CLDN10: variants seen among roughly 807,000 people sequenced by gnomAD.
CLDN10 encodes claudin 10.
A neutral mutation model predicts 22.9 loss-of-function variants in CLDN10; 15 were observed. The ratio of observed to expected loss-of-function variants is 0.65; its 90% CI spans 0.44 to 1.01. The LOEUF is 1.01. Ranked by LOEUF, CLDN10 falls within the 50% of genes least tolerant of loss-of-function variation. CLDN10 has a pLI of 0.00. For missense variants in CLDN10, 247 were observed against 287.8 expected (o/e 0.86, Z 1.03); for synonymous variants, 114 against 111.4 (o/e 1.02, Z -0.15).
chr13:95,493,746 G>C (rs2042900505), intron 1 of CLDN10, among the ~76,000 whole-genome samples: 1 of 152,056 alleles, frequency 6.6e-6, no homozygotes, highest in South Asian at 2.1e-4. Flanking sequence ...TTTTTGTAGA[G>C]ATGGGGTTTC....
At chr13:95,502,902 T>A (rs2043000776) in intron 1 of CLDN10, among the ~76,000 whole-genome samples, 1 of 152,038 alleles carries the variant, frequency 6.6e-6, no homozygotes, top group African/African-American at 2.4e-5. Flanking sequence ...AGCAAAGATG[T>A]CCTGTTTCTG....
chr13:95,527,989 C>G lies in CLDN10; in HGVS notation c.215-32143C>G, dbSNP rs541126603. Among the ~76,000 whole-genome samples the G allele has an allele frequency of 3.0e-4, 45 of 152,270 alleles. No individual in the cohort carries two copies. The South Asian group carries it at 8.1e-3, about 27-fold the overall frequency. On this transcript the variant is annotated intron_variant, in intron 1 of 4. Transcript: ENST00000376873. ...CCTGGAGATTTCCTGATTCTAGGAT[C>G]TGTGCTGTGATCTGACAGCATGTTT...
rs368714235 is a variant in CLDN10, at chr13:95,560,447, C to G, written c.448C>G (p.Leu150Val). 1.2e-5 allele frequency: 20 copies of G among 1,613,536 alleles called. No homozygotes were observed. Among genetic ancestry groups the G allele is most frequent in the Non-Finnish European group, 1.7e-5 (20 of 1,179,496 alleles). The change falls in exon 3 of 5, where the codon CTC becomes GTC. Residue 150 changes from leucine (L) to valine (V), a missense_variant. Physicochemically the swap from Leu to Val is conservative, Grantham distance 32. Transcript: ENST00000299339. The stretch of plus-strand genomic sequence containing the variant: ...AATCACAACGGAATTCTTTGATCCT[C>G]TCTTTGTTGAGCAAAAGTAAGTACT... Reference protein sequence around the residue: ...NKITTEFFDPLFVEQKYELGA... With the variant: ...NKITTEFFDPVFVEQKYELGA...
chr13:95,516,000 A>G (rs9525001), intron 1 of CLDN10, among the ~76,000 whole-genome samples: 127,929 of 151,472 alleles, frequency 0.84, 54,398 homozygotes, highest in East Asian at 0.96. Context: ...ATTGAACCCC[A>G]GAGGCGGAGG....
chr13:95,570,827 T>TAC (rs1448089788), intron 3 of CLDN10, among the ~76,000 whole-genome samples: 3 of 131,594 alleles, frequency 2.3e-5, no homozygotes, highest in Non-Finnish European at 4.8e-5. Flanking sequence ...TGTATATATA[T>TAC]ATACACACAC....
chr13:95,529,402 G>A (rs1294236432), intron 1 of CLDN10, among the ~76,000 whole-genome samples: 3 of 151,906 alleles, frequency 2.0e-5, no homozygotes, highest in Non-Finnish European at 4.4e-5. Flanking sequence ...TCAAAATAAT[G>A]TACCCTGTTA....
intron 1 of CLDN10, among the ~76,000 whole-genome samples, chr13:95,512,121 C>CTTTTTTTTTTTTTTT (rs57359573): frequency 9.5e-5 from 1 of 10,492 alleles, no homozygotes; most frequent in Non-Finnish European, 2.4e-4. Flanking sequence ...ATCGTCTCTC[C>CTTTTTTTTTTTTTTT]TTTTTTTTTG....
chr13:95,473,586 C>G (rs1483231089), intron 1 of CLDN10, among the ~76,000 whole-genome samples: 2 of 152,198 alleles, frequency 1.3e-5, no homozygotes, highest in African/African-American at 2.4e-5. Flanking sequence ...TCATTAGGCT[C>G]TCACGTGCCT....
chr13:95,538,420 G>A (rs751684237), intron 1 of CLDN10, among the ~76,000 whole-genome samples: 3 of 151,996 alleles, frequency 2.0e-5, no homozygotes, highest in Non-Finnish European at 4.4e-5. Flanking sequence ...TTACAGGCAT[G>A]AGCCACCACA....
chr13:95,491,306 G>T (rs1371040016), intron 1 of CLDN10, among the ~76,000 whole-genome samples: 1 of 151,738 alleles, frequency 6.6e-6, no homozygotes, highest in East Asian at 1.9e-4. Flanking sequence ...TTATTCTTAG[G>T]TTTGGTCATT....
At chr13:95,467,361 A>C (rs1003289393) in intron 1 of CLDN10, among the ~76,000 whole-genome samples, 1 of 152,192 alleles carries the variant, frequency 6.6e-6, no homozygotes, top group African/African-American at 2.4e-5. Context: ...CCATAACATC[A>C]TCAAGTATCC....
At chr13:95,515,406 G>T (rs570888739) in intron 1 of CLDN10, among the ~76,000 whole-genome samples, 2 of 152,216 alleles carry the variant, frequency 1.3e-5, no homozygotes, top group East Asian at 3.9e-4. Context: ...TGCCATGTTG[G>T]CCAGGCTGGT....
At chr13:95,538,273 C>T (rs540356227) in intron 1 of CLDN10, among the ~76,000 whole-genome samples, 2 of 143,790 alleles carry the variant, frequency 1.4e-5, no homozygotes, top group Non-Finnish European at 3.0e-5. Flanking sequence ...GTAGCTGGCA[C>T]CTTACAGGCG....
chr13:95,541,042 C>T (rs563872186), intron 1 of CLDN10, among the ~76,000 whole-genome samples: 5 of 152,354 alleles, frequency 3.3e-5, no homozygotes, highest in African/African-American at 1.2e-4. Context: ...AGGGCCCACA[C>T]TGAGAATGCA....
At chr13:95,525,349 T>G (rs2043269893) in intron 1 of CLDN10, among the ~76,000 whole-genome samples, 4 of 152,186 alleles carry the variant, frequency 2.6e-5, no homozygotes, top group Admixed American at 2.6e-4. Context: ...GTTATTTGGG[T>G]TTTTATTATT....
chr13:95,458,391 C>T (rs2042503122), intron 1 of CLDN10, among the ~76,000 whole-genome samples: 1 of 152,070 alleles, frequency 6.6e-6, no homozygotes, highest in Non-Finnish European at 1.5e-5. Context: ...TAAGGAAATA[C>T]TTGAGACTGG....
intron 1 of CLDN10, among the ~76,000 whole-genome samples, chr13:95,458,608 T>C (rs1317278239): frequency 6.6e-6 from 1 of 152,072 alleles, no homozygotes; most frequent in Non-Finnish European, 1.5e-5. Flanking sequence ...CAGAAGAGCA[T>C]GGGGGAAACT....
intron 1 of CLDN10, among the ~76,000 whole-genome samples, chr13:95,522,023 A>G (rs1380672927): frequency 3.3e-5 from 5 of 151,592 alleles, no homozygotes; most frequent in Admixed American, 1.3e-4. Flanking sequence ...TTTTTCTTTC[A>G]TGATACCATT....
chr13:95,465,020 T>C (rs904121557), intron 1 of CLDN10, among the ~76,000 whole-genome samples: 9 of 152,110 alleles, frequency 5.9e-5, no homozygotes, highest in Non-Finnish European at 1.2e-4. Context: ...ATTAGTCCAT[T>C]TTCACACTGC....
Sources: gnomAD v4.1 joint callset for allele counts (sites outside exome capture counted in the v4.1 genomes callset) on GRCh38, gnomAD v4.1.1 for gene constraint, MANE v1.5 for transcripts, NCBI Gene and HGNC (gene_info 2026-07-23, HGNC 2026-07-21) for gene names.